VTCN1: variants seen among roughly 807,000 people sequenced by gnomAD.
VTCN1 encodes V-set domain containing T cell activation inhibitor 1, also known as V-set domain-containing T-cell activation inhibitor 1.
A neutral mutation model predicts 26.5 loss-of-function variants in VTCN1; 26 were observed. That is an observed-to-expected ratio of 0.98 (90% confidence interval 0.72 to 1.36). The LOEUF (loss-of-function observed/expected upper bound fraction) is 1.36, where lower values mean the gene tolerates loss of function less well. Ranked by LOEUF, VTCN1 falls within the 40% of genes most tolerant of loss-of-function variation. The probability of loss-of-function intolerance (pLI) is 0.00; values close to 1 mark genes in which losing one functional copy is unlikely to be tolerated. For synonymous variants in VTCN1, 116 were observed against 130.7 expected (o/e 0.89, Z 0.77); for missense variants, 298 against 337.7 (o/e 0.88, Z 0.92).
intron 1 of VTCN1, among the ~76,000 whole-genome samples, chr1:117,191,136 T>C (rs1416488734): frequency 6.6e-6 from 1 of 151,998 alleles, no homozygotes; most frequent in Non-Finnish European, 1.5e-5. Flanking sequence ...ACAGAAACAT[T>C]TGATAGAGGG....
intron 1 of VTCN1, among the ~76,000 whole-genome samples, chr1:117,188,818 A>G (rs899778391): frequency 6.6e-6 from 1 of 152,196 alleles, no homozygotes; most frequent in Non-Finnish European, 1.5e-5. Context: ...CTTAAATTAT[A>G]CTTTTGGGTA....
chr1:117,158,281 GC>G (rs1387332367), intron 2 of VTCN1, among the ~76,000 whole-genome samples: 1 of 152,192 alleles, frequency 6.6e-6, no homozygotes, highest in Non-Finnish European at 1.5e-5. Flanking sequence ...CTCCATGAGA[GC>G]CCCACTCCTG....
chr1:117,173,865 T>C (rs1410811049), intron 1 of VTCN1, among the ~76,000 whole-genome samples: 2 of 152,224 alleles, frequency 1.3e-5, no homozygotes, highest in Non-Finnish European at 2.9e-5. Flanking sequence ...CCAAAGCTCC[T>C]GAGCCCCTCC....
chr1:117,178,250 C>CTTTTTTTTT (rs71096901), intron 1 of VTCN1, among the ~76,000 whole-genome samples: 3 of 142,210 alleles, frequency 2.1e-5, no homozygotes, highest in African/African-American at 7.9e-5. Context: ...TTCTTTCTTT[C>CTTTTTTTTT]TTTTTTTTCT....
At chr1:117,177,130 A>C (rs1404872803) in intron 1 of VTCN1, among the ~76,000 whole-genome samples, 1 of 152,144 alleles carries the variant, frequency 6.6e-6, no homozygotes, top group Non-Finnish European at 1.5e-5. Flanking sequence ...AAGGAAAAAG[A>C]AGATTAAAAG....
chr1:117,203,404 C>T (rs936424496), intron 1 of VTCN1, among the ~76,000 whole-genome samples: 12 of 152,238 alleles, frequency 7.9e-5, no homozygotes, highest in African/African-American at 2.9e-4. Context: ...GTCTGTCTCT[C>T]AAATCTTTCA....
At chr1:117,182,086 T>C in intron 1 of VTCN1, among the ~76,000 whole-genome samples, 1 of 152,200 alleles carries the variant, frequency 6.6e-6, no homozygotes, top group East Asian at 1.9e-4. Flanking sequence ...GCACTGTTTA[T>C]TCATTAATAA....
In VTCN1 at chr1:117,207,990, G is replaced by T. The variant is rs189863886; in HGVS notation, c.32+2834C>A. 2.5e-3 allele frequency among the ~76,000 whole-genome samples: 376 copies of T among 152,198 alleles called. 4 individuals are homozygous for T. Among genetic ancestry groups the T allele is most frequent in the South Asian group, 0.023 (110 of 4,816 alleles). ...TCCAGGCTTGCTGCCCACCTGAGAC[G>T]AAAACCACCTTGACCCCCCTCTGAA... On this transcript the variant is annotated intron_variant, in intron 1 of 5. Transcript: ENST00000369458.
At chr1:117,191,960 T>C (rs1170246269) in intron 1 of VTCN1, among the ~76,000 whole-genome samples, 1 of 151,614 alleles carries the variant, frequency 6.6e-6, no homozygotes, top group Non-Finnish European at 1.5e-5. Context: ...CAAGACCCTG[T>C]GGGGTGGGAG....
At chr1:117,149,293 GT>G (rs1553206854) in intron 4 of VTCN1, among the ~76,000 whole-genome samples, 3,015 of 141,454 alleles carry the variant, frequency 0.021, 38 homozygotes, top group Non-Finnish European at 0.029. Context: ...TTTGGGGTGG[GT>G]TTTTTTTTTT....
intron 1 of VTCN1, among the ~76,000 whole-genome samples, chr1:117,198,006 A>G (rs1171241033): frequency 6.6e-6 from 1 of 152,144 alleles, no homozygotes; most frequent in Non-Finnish European, 1.5e-5. Flanking sequence ...TTTCTCCTGT[A>G]GGTACACTCA....
intron 4 of VTCN1, 83 bp downstream of exon 4, chr1:117,153,008 A>G: frequency 1.3e-6 from 2 of 1,487,414 alleles, no homozygotes; most frequent in Non-Finnish European, 1.8e-6. Flanking sequence ...GTGCCTTGGT[A>G]TATATCTATT....
At position 117,157,092 on chromosome 1, in the gene VTCN1, G is replaced by GATATAT. The variant is rs145887761; in HGVS notation, c.98-177_98-172dup. The GATATAT allele has an allele frequency of 3.7e-3, 2,097 of 561,132 alleles. 98 individuals are homozygous for GATATAT. Among genetic ancestry groups the GATATAT allele is most frequent in the African/African-American group, 0.037 (1,482 of 39,836 alleles). The allele number at this position is 561,132 out of a possible 1,614,324, so 34.8% of individuals were successfully genotyped here. ...GAAAGAGCAGGAAGACAATCATTTT[G>GATATAT]ATATATATATATATATATATATAGC... On this transcript the variant is annotated intron_variant, in intron 2 of 5. Transcript: ENST00000369458.
chr1:117,203,573 T>C (rs1648899785), intron 1 of VTCN1: 1 of 980,980 alleles, frequency 1.0e-6, no homozygotes, highest in Non-Finnish European at 1.2e-6. Context: ...TGGTTTGGGA[T>C]TGTGAAAAGC....
chr1:117,187,094 C>A (rs1444456369), intron 1 of VTCN1, among the ~76,000 whole-genome samples: 1 of 151,824 alleles, frequency 6.6e-6, no homozygotes, highest in Non-Finnish European at 1.5e-5. Flanking sequence ...CAAGACCAGC[C>A]TGGGCAACAA....
rs1467128563 is a variant in VTCN1, at chr1:117,156,681, G to A, written c.338C>T (p.Ala113Val). The A allele has an allele frequency of 5.6e-6, 9 of 1,614,000 alleles. No individual in the cohort carries two copies. The highest frequency in any genetic ancestry group is 7.6e-6 in the Non-Finnish European group (9 of 1,180,012). Residue 113 changes from alanine (A) to valine (V), a missense_variant, in exon 3 of 6, where the codon GCC becomes GTC. Transcript: ENST00000369458. ...TTGCACGTTTTTCAGCCGCAAAGAGGCATTGCCAACTATCACTTGATCAGC... is the reference window on the plus strand; with the variant it reads ...TTGCACGTTTTTCAGCCGCAAAGAGACATTGCCAACTATCACTTGATCAGC... The part of the protein sequence containing the change: ...VFADQVIVGN[A>V]SLRLKNVQLT...
At chr1:117,197,435 C>T (rs2101593375) in intron 1 of VTCN1, among the ~76,000 whole-genome samples, 1 of 152,288 alleles carries the variant, frequency 6.6e-6, no homozygotes, top group East Asian at 1.9e-4. Flanking sequence ...AGGGCCCATT[C>T]ATGCTGACTT....
At chr1:117,195,224 T>C (rs1196609990) in intron 1 of VTCN1, among the ~76,000 whole-genome samples, 1 of 151,230 alleles carries the variant, frequency 6.6e-6, no homozygotes, top group African/African-American at 2.4e-5. Flanking sequence ...ATCACACCAC[T>C]GTACTCCAGC....
Position 117,184,853 on chromosome 1 carries a change from A to G in VTCN1, c.33-14682T>C, listed in dbSNP as rs921931601. ...CAAAGGGGTGAAGGATAGAGTTAGG[A>G]GAAGAATGTTTCATCCAGAGACACT... On this transcript the variant is annotated intron_variant, in intron 1 of 5. Transcript: ENST00000369458. 1.3e-5 allele frequency among the ~76,000 whole-genome samples: 2 copies of G among 152,150 alleles called. 1 individual carries two copies. Among genetic ancestry groups the G allele is most frequent in the Admixed American group, 1.3e-4 (2 of 15,278 alleles).
Sources: allele counts gnomAD v4.1 joint callset (sites outside exome capture counted in the v4.1 genomes callset), GRCh38; gene constraint gnomAD v4.1.1; transcripts MANE v1.5; gene names NCBI Gene and HGNC (gene_info 2026-07-23, HGNC 2026-07-21).